Variants in MTOR observed in about 807,000 individuals in gnomAD.
MTOR encodes mechanistic target of rapamycin kinase, also known as serine/threonine-protein kinase mTOR.
A neutral mutation model predicts 319.8 loss-of-function variants in MTOR; 70 were observed. The ratio of observed to expected loss-of-function variants is 0.22; its 90% CI spans 0.18 to 0.27. The LOEUF (loss-of-function observed/expected upper bound fraction) is 0.27, where lower values mean the gene tolerates loss of function less well. Among genes scored for constraint, MTOR ranks in the 10% least tolerant of loss-of-function variants. The pLI, the probability that MTOR is intolerant of heterozygous loss-of-function variation, is 1.00. For missense variants in MTOR, 1,890 were observed against 3,274.4 expected (o/e 0.58, Z 10.32); for synonymous variants, 1,183 against 1,211.4 (o/e 0.98, Z 0.49).
chr1:11,191,996 A>T (rs898576211), intron 28 of MTOR, among the ~76,000 whole-genome samples: 1 of 152,180 alleles, frequency 6.6e-6, no homozygotes, highest in Non-Finnish European at 1.5e-5. Flanking sequence ...TAGCAGAATA[A>T]TTTATTTCAG....
Position 11,106,811 on chromosome 1 carries a change from C to G in MTOR, c.*674G>C. 1 of 1,285,152 alleles carries G rather than the reference C, an allele frequency of 7.8e-7. No homozygotes were observed. Among genetic ancestry groups the G allele is most frequent in the Non-Finnish European group, 1.0e-6 (1 of 997,526 alleles). The allele number at this position is 1,285,152 out of a possible 1,614,324, so 79.6% of individuals were successfully genotyped here. Reference sequence around the variant, plus strand: ...AGGGTGGTCCCACTGCACAGTGATCCCCTCTGTGCATCTGCTCAGCCGAGG... The same window carrying G: ...AGGGTGGTCCCACTGCACAGTGATCGCCTCTGTGCATCTGCTCAGCCGAGG... On this transcript the variant is annotated 3_prime_UTR_variant, in exon 58 of 58. Transcript: ENST00000361445.
chr1:11,171,297 T>TA (rs1275255351), intron 28 of MTOR, among the ~76,000 whole-genome samples: 1 of 152,000 alleles, frequency 6.6e-6, no homozygotes, highest in East Asian at 1.9e-4. Flanking sequence ...CTTTCTTTTT[T>TA]AAAGAGACAG....
chr1:11,235,922 C>T (rs1647201861), intron 13 of MTOR, among the ~76,000 whole-genome samples: 1 of 151,512 alleles, frequency 6.6e-6, no homozygotes, highest in Non-Finnish European at 1.5e-5. Context: ...GTGGAGGTTG[C>T]AGTGAGCCAA....
At chr1:11,157,398 C>T (rs1164282103) in intron 29 of MTOR, 107 bp from the exon 30 acceptor site, 5 of 1,325,414 alleles carry the variant, frequency 3.8e-6, no homozygotes, top group Non-Finnish European at 4.0e-6. Flanking sequence ...CATGACACTT[C>T]ACCTATCACA....
At chr1:11,226,378 A>G (rs1011861765) in intron 19 of MTOR, 11 of 152,214 alleles carry the variant, frequency 7.2e-5, no homozygotes, top group Admixed American at 1.3e-4. Flanking sequence ...TAAAAATAAA[A>G]TAAAAAGATA....
chr1:11,165,630 G>A (rs1362874198), intron 29 of MTOR, among the ~76,000 whole-genome samples: 1 of 152,116 alleles, frequency 6.6e-6, no homozygotes, highest in African/African-American at 2.4e-5. Flanking sequence ...CCATGCTCAT[G>A]GATAGGAAGA....
rs1649024755 is a variant in MTOR at position 11,247,614 on chromosome 1, G to C, written c.1225+11C>G. On this transcript the variant is annotated intron_variant, in intron 8 of 57. Coordinates refer to ENST00000361445, the MANE Select transcript of MTOR (RefSeq NM_004958.4). ...GAGATGGGTAATGATGTCTTCCATG[G>C]ACATCCTCACCTGTGAAGGCAGAAG... 1.9e-6 allele frequency: 3 copies of C among 1,611,934 alleles called. No individual in the cohort carries two copies. The highest frequency in any genetic ancestry group is 1.7e-6 in the Non-Finnish European group (2 of 1,178,188).
chr1:11,195,296 A>G (rs1645743239), intron 28 of MTOR: 2 of 358,642 alleles, frequency 5.6e-6, no homozygotes, highest in Non-Finnish European at 1.0e-5. Context: ...GATCCCTGAC[A>G]TAGCAGTAGC....
rs1441031526 is a variant in MTOR at position 11,212,760 on chromosome 1, C to T, written c.3398+36G>A. 2.0e-6 allele frequency: 3 copies of T among 1,524,924 alleles called. No homozygotes were observed. Among genetic ancestry groups the T allele is most frequent in the African/African-American group, 2.7e-5 (2 of 73,054 alleles). The allele number at this position is 1,524,924 out of a possible 1,614,324, so 94.5% of individuals were successfully genotyped here. A position where few individuals can be genotyped will look rare whatever the true frequency, so the allele number is the denominator to read the frequency against. On this transcript the variant is annotated intron_variant, in intron 22 of 57. Coordinates refer to ENST00000361445, the MANE Select transcript of MTOR (RefSeq NM_004958.4). This position sits in a 1 kb window ranked among gnomAD's most constrained non-coding sequence, Gnocchi z 4.1. ...GAACATTTTCAACAAAACATTAAAG[C>T]TTAAAGATTGCTAGTCCCAAAGAGG...
At chr1:11,185,242 A>C (rs1645275961) in intron 28 of MTOR, among the ~76,000 whole-genome samples, 1 of 149,870 alleles carries the variant, frequency 6.7e-6, no homozygotes, top group Non-Finnish European at 1.5e-5. Flanking sequence ...GACAGAAATC[A>C]GAGAGACTTT....
intron 19 of MTOR, among the ~76,000 whole-genome samples, chr1:11,221,831 A>T (rs1364952167): frequency 6.8e-6 from 1 of 146,902 alleles, no homozygotes; most frequent in Non-Finnish European, 1.5e-5. Context: ...CACAAGTAGT[A>T]AAGTAAATGA....
At position 11,124,363 on chromosome 1, in the gene MTOR, C is replaced by T. The variant is rs773565064; in HGVS notation, c.6662+135G>A. 172 of 1,175,580 alleles carry T rather than the reference C, an allele frequency of 1.5e-4. 1 individual carries two copies. The highest frequency in any genetic ancestry group is 1.9e-4 in the Non-Finnish European group (159 of 847,124). The allele number at this position is 1,175,580 out of a possible 1,614,324, so 72.8% of individuals were successfully genotyped here. A position where few individuals can be genotyped will look rare whatever the true frequency, so the allele number is the denominator to read the frequency against. On this transcript the variant is annotated intron_variant, in intron 47 of 57. Transcript: ENST00000361445. ...TCAACCTCTGGAGTTTCTGGGACTA[C>T]AGGCATGAGTTACCATGCCTGGCTC...
chr1:11,197,122 T>C (rs1240783139), intron 28 of MTOR, among the ~76,000 whole-genome samples: 2 of 152,154 alleles, frequency 1.3e-5, no homozygotes, highest in Non-Finnish European at 2.9e-5. Flanking sequence ...CTTCAAGCTC[T>C]CTAGCAGCCA....
chr1:11,231,531 G>A, intron 16 of MTOR, 97 bp from the exon 17 acceptor site: 1 of 1,439,492 alleles, frequency 6.9e-7, no homozygotes, highest in Non-Finnish European at 9.3e-7. Flanking sequence ...AGTGTTAGAG[G>A]CTGTAAGAAG....
chr1:11,136,704 T>C (rs1388747723), intron 36 of MTOR, among the ~76,000 whole-genome samples: 1 of 152,106 alleles, frequency 6.6e-6, no homozygotes, highest in African/African-American at 2.4e-5. Context: ...GGTCTTGCTA[T>C]GTTGCCCAGG....
At position 11,253,970 on chromosome 1, in the gene MTOR, T is replaced by C; in HGVS notation, c.709A>G (p.Thr237Ala). The change falls in exon 6 of 58, where the codon ACA (threonine) becomes GCA (alanine). Residue 237 changes from threonine to alanine, a missense_variant. By Grantham distance (58) the Thr-to-Ala change is moderately conservative. Coordinates refer to ENST00000361445, the MANE Select transcript of MTOR (RefSeq NM_004958.4). The part of the protein sequence containing the change: ...EMQKPQWYRH[T>A]FEEAEKGFDE... ...AATCCCTTCTCTGCTTCTTCAAATG[T>C]GTGCTATGTAGAGAGACAGGGTGCC... The C allele has an allele frequency of 1.2e-6, 2 of 1,614,124 alleles. No homozygotes were observed. Among genetic ancestry groups the C allele is most frequent in the Non-Finnish European group, 1.7e-6 (2 of 1,180,012 alleles).
At position 11,130,545 on chromosome 1, in the gene MTOR, T is replaced by C. The variant is rs768051854; in HGVS notation, c.5597A>G (p.Gln1866Arg). ...GAAGGGTACCTCAGTGACCTTCTTC[T>C]GCAGCGGCGATGGGGTGGGGCTGTT... ...TENSPTPSPL[Q>R]KKVTEDLSKT... Residue 1866 changes from glutamine to arginine, a missense_variant, in exon 39 of 58, where the codon CAG becomes CGG. Coordinates refer to ENST00000361445, the MANE Select transcript of MTOR (RefSeq NM_004958.4). 6.2e-7 allele frequency: 1 copy of C among 1,613,146 alleles called. No individual in the cohort carries two copies. The highest frequency in any genetic ancestry group is 8.5e-7 in the Non-Finnish European group (1 of 1,179,726).
rs1444662811 is a variant in MTOR, at chr1:11,238,158, T to C, written c.2003-110A>G. ...CGTAGTGGGAAGATTCCAGATGCTTTTTCTCATCTAACCTCTGTCATTCTT... is the reference window on the plus strand; with the variant it reads ...CGTAGTGGGAAGATTCCAGATGCTTCTTCTCATCTAACCTCTGTCATTCTT... On this transcript the variant is annotated intron_variant, in intron 12 of 57. Coordinates refer to ENST00000361445, the MANE Select transcript of MTOR (RefSeq NM_004958.4). 5 of 1,089,006 alleles carry C rather than the reference T, an allele frequency of 4.6e-6. No homozygotes were observed. The Admixed American group carries it at 8.7e-5, about 19-fold the overall frequency. 67.5% of individuals were successfully genotyped at this position (1,089,006 alleles called of 1,614,324 possible). A position where few individuals can be genotyped will look rare whatever the true frequency, so the allele number is the denominator to read the frequency against.
chr1:11,115,241 A>G lies in MTOR; in HGVS notation c.7089+155T>C, dbSNP rs1204519078. Among the ~76,000 whole-genome samples the G allele has an allele frequency of 6.6e-6, 1 of 152,102 alleles. No homozygotes were observed. The highest frequency in any genetic ancestry group is 1.5e-5 in the Non-Finnish European group (1 of 68,026). ...GGTTAGAGTCCAACTAAGAGCCCAG[A>G]TTTCATTTCTTAGACTGACTTAACT... On this transcript the variant is annotated intron_variant, in intron 51 of 57. Transcript: ENST00000361445. This position sits in a 1 kb window ranked among gnomAD's most constrained non-coding sequence, Gnocchi z 4.5.
Sources: gnomAD v4.1 joint callset for allele counts (sites outside exome capture counted in the v4.1 genomes callset) on GRCh38, gnomAD v4.1.1 for gene constraint, Gnocchi (gnomAD v3.1) non-coding constraint, MANE v1.5 for transcripts, NCBI Gene and HGNC (gene_info 2026-07-23, HGNC 2026-07-21) for gene names.